Variants in RCAN2 observed in about 807,000 individuals in gnomAD.
RCAN2 encodes calcipressin-2.
RCAN2 carries 9 observed loss-of-function variants against 23.6 expected under a neutral mutation model. The ratio of observed to expected loss-of-function variants is 0.38; its 90% CI spans 0.23 to 0.67. The LOEUF is 0.67. Among genes scored for constraint, RCAN2 ranks in the 30% least tolerant of loss-of-function variants. The probability of loss-of-function intolerance (pLI) is 0.51; values close to 1 mark genes in which losing one functional copy is unlikely to be tolerated. For missense variants in RCAN2, 273 were observed against 302.3 expected (o/e 0.90, Z 0.72); for synonymous variants, 109 against 115.7 (o/e 0.94, Z 0.37).
At chr6:46,378,991 T>G (rs560901811) in intron 2 of RCAN2, among the ~76,000 whole-genome samples, 1 of 152,190 alleles carries the variant, frequency 6.6e-6, no homozygotes, top group Non-Finnish European at 1.5e-5. Flanking sequence ...AGTGGCCTAT[T>G]GTGCAAAATA....
At chr6:46,291,457 C>A (rs1024534782) in intron 2 of RCAN2, among the ~76,000 whole-genome samples, 1 of 151,600 alleles carries the variant, frequency 6.6e-6, no homozygotes, top group East Asian at 1.9e-4. Context: ...ACCAAGTTTG[C>A]CTACAATGCT....
At chr6:46,403,911 G>T (rs1315904903) in intron 2 of RCAN2, among the ~76,000 whole-genome samples, 1 of 152,164 alleles carries the variant, frequency 6.6e-6, no homozygotes, top group Non-Finnish European at 1.5e-5. Flanking sequence ...AAGAGGTGGG[G>T]TGGAAAGGTG....
intron 2 of RCAN2, among the ~76,000 whole-genome samples, chr6:46,288,474 A>G (rs747529736): frequency 5.3e-5 from 8 of 152,212 alleles, no homozygotes; most frequent in Non-Finnish European, 1.0e-4. Flanking sequence ...TATTCCCTCT[A>G]TGGATACCCT....
At chr6:46,326,129 C>T (rs1372722187) in intron 2 of RCAN2, among the ~76,000 whole-genome samples, 1 of 152,176 alleles carries the variant, frequency 6.6e-6, no homozygotes, top group African/African-American at 2.4e-5. Flanking sequence ...GAAATCCGTT[C>T]TTGGAGTGAC....
chr6:46,395,150 TA>T (rs201378256), intron 2 of RCAN2, among the ~76,000 whole-genome samples: 2 of 152,046 alleles, frequency 1.3e-5, no homozygotes, highest in East Asian at 3.9e-4. Flanking sequence ...GCATGTCAAG[TA>T]GAAGATGAAT....
intron 2 of RCAN2, among the ~76,000 whole-genome samples, chr6:46,424,665 G>A (rs868159928): frequency 6.6e-6 from 1 of 152,082 alleles, no homozygotes. Flanking sequence ...ATGGAGCAGA[G>A]GCGGCAATGT....
chr6:46,268,225 T>C (rs1392693413), intron 2 of RCAN2, among the ~76,000 whole-genome samples: 1 of 152,228 alleles, frequency 6.6e-6, no homozygotes, highest in Non-Finnish European at 1.5e-5. Context: ...ATTTTTTTCC[T>C]CCTAAAATTC....
intron 2 of RCAN2, among the ~76,000 whole-genome samples, chr6:46,256,410 A>ATAAAATAAAC (rs1266493445): frequency 1.3e-4 from 19 of 151,566 alleles, no homozygotes; most frequent in Non-Finnish European, 2.6e-4. Context: ...ATAAAATAAA[A>ATAAAATAAAC]TATGTTCCAG....
At chr6:46,428,321 C>G (rs1177045219) in intron 2 of RCAN2, among the ~76,000 whole-genome samples, 1 of 152,100 alleles carries the variant, frequency 6.6e-6, no homozygotes, top group South Asian at 2.1e-4. Flanking sequence ...AAAAAAAGTC[C>G]CTCACCACAG....
chr6:46,443,817 A>G (rs1462385771), intron 2 of RCAN2, among the ~76,000 whole-genome samples: 1 of 152,208 alleles, frequency 6.6e-6, no homozygotes, highest in African/African-American at 2.4e-5. Context: ...GTGCTGATGT[A>G]CAGCCAACTT....
intron 2 of RCAN2, among the ~76,000 whole-genome samples, chr6:46,367,576 C>A (rs1333788234): frequency 6.6e-6 from 1 of 152,126 alleles, no homozygotes; most frequent in Non-Finnish European, 1.5e-5. Flanking sequence ...TATTTTCAGT[C>A]AAGATGGAGA....
At chr6:46,456,703 G>A (rs1364102373) in intron 2 of RCAN2, 49 bp downstream of exon 2, 6 of 1,316,722 alleles carry the variant, frequency 4.6e-6, no homozygotes, top group Non-Finnish European at 6.4e-6. Flanking sequence ...ATTACTTGGA[G>A]ATAATGCCAT....
chr6:46,270,117 G>T (rs544283488), intron 2 of RCAN2, among the ~76,000 whole-genome samples: 2 of 152,284 alleles, frequency 1.3e-5, no homozygotes, highest in East Asian at 1.9e-4. Flanking sequence ...TGGGAAGACT[G>T]GGGGCTTGGG....
intron 2 of RCAN2, among the ~76,000 whole-genome samples, chr6:46,391,312 C>T (rs556421206): frequency 1.8e-4 from 28 of 152,230 alleles, no homozygotes; most frequent in Admixed American, 2.6e-4. Flanking sequence ...AGATTGAGAT[C>T]ATGAAAGCAA....
intron 2 of RCAN2, among the ~76,000 whole-genome samples, chr6:46,257,796 C>G (rs1338466582): frequency 1.3e-5 from 2 of 152,162 alleles, no homozygotes; most frequent in Non-Finnish European, 2.9e-5. Flanking sequence ...ATCACATACA[C>G]TAAGTCACAC....
chr6:46,346,898 G>T (rs6921722), intron 2 of RCAN2, among the ~76,000 whole-genome samples: 2 of 151,278 alleles, frequency 1.3e-5, no homozygotes, highest in South Asian at 4.2e-4. Flanking sequence ...TATTTTGAGA[G>T]GGAATCTCGC....
chr6:46,479,078 A>C (rs900606545), intron 1 of RCAN2, among the ~76,000 whole-genome samples: 5 of 152,234 alleles, frequency 3.3e-5, no homozygotes, highest in African/African-American at 1.2e-4. Context: ...GTCCCAGATA[A>C]TATTTACAGG....
At chr6:46,384,472 T>C (rs1488392424) in intron 2 of RCAN2, among the ~76,000 whole-genome samples, 3 of 152,222 alleles carry the variant, frequency 2.0e-5, no homozygotes, top group Admixed American at 1.3e-4. Context: ...ACAACATAAT[T>C]AGCATTTGTT....
intron 2 of RCAN2, among the ~76,000 whole-genome samples, chr6:46,428,517 TG>T (rs1767098250): frequency 6.6e-6 from 1 of 152,208 alleles, no homozygotes; most frequent in South Asian, 2.1e-4. Flanking sequence ...AATAAATAAA[TG>T]ATCTGACTGG....
Sources: gnomAD v4.1 joint callset for allele counts (sites outside exome capture counted in the v4.1 genomes callset) on GRCh38, gnomAD v4.1.1 for gene constraint, MANE v1.5 for transcripts, NCBI Gene and HGNC (gene_info 2026-07-23, HGNC 2026-07-21) for gene names.